The following SLC30A6 variants were observed in gnomAD, a reference collection of about 807,000 sequenced individuals.
The protein encoded by SLC30A6 is zinc transporter 6.
Under a neutral mutation model 63.0 loss-of-function variants are expected in SLC30A6, and 55 were observed. The observed-to-expected ratio is 0.87, with a 90% CI of 0.70 to 1.09. The LOEUF is 1.09. Ranked by LOEUF, SLC30A6 falls within the 50% of genes least tolerant of loss-of-function variation. The probability of loss-of-function intolerance (pLI) is 0.00; values close to 1 mark genes in which losing one functional copy is unlikely to be tolerated. For synonymous variants in SLC30A6, 224 were observed against 186.1 expected (o/e 1.20, Z -1.66); for missense variants, 587 against 549.2 (o/e 1.07, Z -0.69).
chr2:32,218,545 GT>G (rs1446729854), intron 13 of SLC30A6, among the ~76,000 whole-genome samples: 4 of 150,768 alleles, frequency 2.7e-5, no homozygotes, highest in African/African-American at 4.9e-5. Context: ...GTTTTGTTTT[GT>G]TTTGTTTTGT....
chr2:32,193,022 G>C (rs1000589944), intron 7 of SLC30A6, 69 bp downstream of exon 7: 3 of 1,025,878 alleles, frequency 2.9e-6, no homozygotes, highest in Non-Finnish European at 1.4e-6. Context: ...TTATTAAACA[G>C]TTGGCCAATG....
At chr2:32,203,378 A>T in intron 10 of SLC30A6, 1 of 1,055,586 alleles carries the variant, frequency 9.5e-7, no homozygotes, top group Admixed American at 1.7e-5. Context: ...TAAATCTAAA[A>T]GCACGGATGC....
chr2:32,198,880 T>C (rs780479976), intron 10 of SLC30A6, among the ~76,000 whole-genome samples: 13 of 152,122 alleles, frequency 8.5e-5, no homozygotes, highest in Non-Finnish European at 1.8e-4. Context: ...TTTATTTACA[T>C]TGAGTGTACA....
intron 1 of SLC30A6, among the ~76,000 whole-genome samples, chr2:32,168,346 A>G (rs886073658): frequency 6.7e-6 from 1 of 149,418 alleles, no homozygotes; most frequent in African/African-American, 2.4e-5. Context: ...AAATATTTTA[A>G]AATAAAATAT....
At chr2:32,180,140 G>A (rs1435869235) in intron 4 of SLC30A6, among the ~76,000 whole-genome samples, 3 of 152,110 alleles carry the variant, frequency 2.0e-5, no homozygotes, top group South Asian at 4.2e-4. Flanking sequence ...AGTGGCTCAT[G>A]CCTGTAATCC....
rs150923084 is a variant in SLC30A6 at position 32,195,377 on chromosome 2, T to C, written c.496+1394T>C. 9.6e-3 allele frequency among the ~76,000 whole-genome samples: 1,469 copies of C among 152,280 alleles called. 27 individuals carry two copies. The highest frequency in any genetic ancestry group is 0.049 in the South Asian group (238 of 4,824). ...CACTGCGTCCGGCCATGTCTGGCTT[T>C]TTGATTAGCATTATGTCTTCAGTAT... On this transcript the variant is annotated intron_variant, in intron 8 of 13. Transcript: ENST00000282587.
intron 10 of SLC30A6, chr2:32,204,131 T>C (rs542754302): frequency 2.7e-6 from 1 of 376,056 alleles, no homozygotes; most frequent in Non-Finnish European, 4.8e-6. Context: ...CATATTTTTT[T>C]AAAAAGTATT....
At chr2:32,205,257 A>T (rs990077089) in intron 11 of SLC30A6, among the ~76,000 whole-genome samples, 37 of 151,892 alleles carry the variant, frequency 2.4e-4, no homozygotes, top group African/African-American at 7.7e-4. Context: ...TGTCTCTACT[A>T]AAAAAATACA....
At chr2:32,186,255 C>T (rs1310864486) in intron 5 of SLC30A6, among the ~76,000 whole-genome samples, 2 of 152,154 alleles carry the variant, frequency 1.3e-5, no homozygotes, top group African/African-American at 4.8e-5. Flanking sequence ...ACCTGGTGTC[C>T]AGCTCCTGGC....
chr2:32,179,124 C>T (rs1212733821), intron 4 of SLC30A6, among the ~76,000 whole-genome samples: 1 of 152,122 alleles, frequency 6.6e-6, no homozygotes, highest in Non-Finnish European at 1.5e-5. Context: ...CCTCCCAAAG[C>T]GTTGGGATTA....
chr2:32,197,218 G>T, intron 8 of SLC30A6, 126 bp from the exon 9 acceptor site: 1 of 753,124 alleles, frequency 1.3e-6, no homozygotes, highest in East Asian at 2.7e-5. Flanking sequence ...TTGAGGAGTA[G>T]CATGTTCTTT....
intron 2 of SLC30A6, among the ~76,000 whole-genome samples, chr2:32,173,536 G>C (rs929512230): frequency 6.6e-6 from 1 of 152,050 alleles, no homozygotes; most frequent in Admixed American, 6.6e-5. Flanking sequence ...ACCACACCTG[G>C]TTGATTTTTT....
In SLC30A6 at chr2:32,174,132, TCTA is replaced by T. The variant is rs2148806062; in HGVS notation, c.164_166del (p.Thr55del). The T allele has an allele frequency of 1.9e-6, 3 of 1,613,180 alleles. 1 individual carries two copies. The highest frequency in any genetic ancestry group is 2.2e-5 in the South Asian group (2 of 91,018). On this transcript the variant is annotated inframe_deletion, in exon 3 of 14. Coordinates refer to ENST00000282587, the MANE Select transcript of SLC30A6 (RefSeq NM_017964.5). The stretch of plus-strand genomic sequence containing the variant: ...TGGCTTCCTGCTTATGTGGTGCAGT[TCTA>T]CTAATAGTATAGGTATGTCACCTTT...
At chr2:32,216,993 A>G (rs1206299553) in intron 13 of SLC30A6, among the ~76,000 whole-genome samples, 1 of 149,944 alleles carries the variant, frequency 6.7e-6, no homozygotes, top group Non-Finnish European at 1.5e-5. Context: ...GGTTCAAGTG[A>G]TTTTTCCTTC....
intron 10 of SLC30A6, chr2:32,204,094 GTGTC>G (rs1294266322): frequency 2.1e-6 from 1 of 474,132 alleles, no homozygotes; most frequent in Non-Finnish European, 3.8e-6. Context: ...GTTGAGGTAT[GTGTC>G]TGCTATTTGC....
intron 1 of SLC30A6, among the ~76,000 whole-genome samples, chr2:32,168,876 A>G (rs867232013): frequency 3.9e-5 from 6 of 152,192 alleles, no homozygotes; most frequent in Non-Finnish European, 2.9e-5. Flanking sequence ...TCTGATAGCA[A>G]TGGCGAGCCA....
chr2:32,177,405 C>T, intron 4 of SLC30A6: 2 of 181,392 alleles, frequency 1.1e-5, no homozygotes, highest in South Asian at 1.3e-4. Context: ...ATTCTTTTGC[C>T]TCAGCCTCCC....
chr2:32,197,870 GACTT>G (rs1483151805), intron 10 of SLC30A6, 44 bp downstream of exon 10: 1 of 1,606,892 alleles, frequency 6.2e-7, no homozygotes, highest in African/African-American at 1.3e-5. Flanking sequence ...GATTTCTGGG[GACTT>G]ACTTTTAAGG....
intron 13 of SLC30A6, among the ~76,000 whole-genome samples, chr2:32,218,926 A>C (rs1685932419): frequency 6.6e-6 from 1 of 152,064 alleles, no homozygotes; most frequent in Non-Finnish European, 1.5e-5. Flanking sequence ...CTATACCTAC[A>C]ATTTTTCTGA....
Sources: allele counts gnomAD v4.1 joint callset (sites outside exome capture counted in the v4.1 genomes callset), GRCh38; gene constraint gnomAD v4.1.1; transcripts MANE v1.5; gene names NCBI Gene and HGNC (gene_info 2026-07-23, HGNC 2026-07-21).